The following TOX variants were observed in gnomAD, a reference collection of about 807,000 sequenced individuals.
The protein encoded by TOX is thymocyte selection associated high mobility group box.
A neutral mutation model predicts 53.7 loss-of-function variants in TOX; 11 were observed. The ratio of observed to expected loss-of-function variants is 0.20; its 90% CI spans 0.13 to 0.34. The LOEUF (loss-of-function observed/expected upper bound fraction) is 0.34. Among genes scored for constraint, TOX ranks in the 10% least tolerant of loss-of-function variants. The probability of loss-of-function intolerance (pLI) is 1.00; values close to 1 mark genes in which losing one functional copy is unlikely to be tolerated. For synonymous variants in TOX, 225 were observed against 245.3 expected, an observed-to-expected ratio of 0.92 and a Z score of 0.77; for missense variants, 570 against 664.6, an observed-to-expected ratio of 0.86 and a Z score of 1.56.
chr8:58,908,971 A>C (rs1811865922), intron 3 of TOX, among the ~76,000 whole-genome samples: 1 of 152,218 alleles, frequency 6.6e-6, no homozygotes, highest in African/African-American at 2.4e-5. Context: ...AGAGTTTCTC[A>C]TTAATGGGAT....
intron 6 of TOX, among the ~76,000 whole-genome samples, chr8:58,819,703 C>A (rs932011973): frequency 6.6e-6 from 1 of 152,082 alleles, no homozygotes; most frequent in Non-Finnish European, 1.5e-5. Flanking sequence ...ATAAATTTCC[C>A]CATTCTGGGA....
In TOX at chr8:58,939,526, G is replaced by A. The variant is rs752479997; in HGVS notation, c.187C>T (p.Leu63=). 1 of 1,613,984 alleles carries A rather than the reference G, an allele frequency of 6.2e-7. No individual in the cohort carries two copies. The highest frequency in any genetic ancestry group is 8.5e-7 in the Non-Finnish European group (1 of 1,179,930). The part of the protein sequence containing the change: ...PASQSYPGPS[L]ESEDFNIPPI... ...GGAATGTTGAAGTCTTCACTTTCCA[G>A]GCTTGGACCAGGGTAGGACTGTGAA... The change falls in exon 3 of 9, where the codon CTG becomes TTG. Residue 63 remains leucine (L), a synonymous_variant. Transcript: ENST00000361421.
chr8:58,963,858 G>A lies in TOX; in HGVS notation c.103-3850C>T, dbSNP rs1812843490. 2.0e-5 allele frequency among the ~76,000 whole-genome samples: 3 copies of A among 152,304 alleles called. No individual in the cohort carries two copies. In the South Asian group the frequency reaches 6.2e-4, roughly 32 times the overall value. ...TTTAGTGCCTCTATGGCTTAGGGCT[G>A]GCACGTAATAGGTCTTCGGAAATGT... On this transcript the variant is annotated intron_variant, in intron 1 of 8. Transcript: ENST00000361421.
At chr8:58,954,168 G>A (rs950815427) in intron 2 of TOX, among the ~76,000 whole-genome samples, 4 of 152,038 alleles carry the variant, frequency 2.6e-5, no homozygotes, top group Admixed American at 6.6e-5. Flanking sequence ...TTAACTCTTT[G>A]AGTCTTGTAC....
At chr8:58,997,146 C>T (rs1813574783) in intron 1 of TOX, among the ~76,000 whole-genome samples, 1 of 152,222 alleles carries the variant, frequency 6.6e-6, no homozygotes, top group Non-Finnish European at 1.5e-5. Context: ...CTAAGGGAGA[C>T]ACTGCCTTTT....
intron 7 of TOX, among the ~76,000 whole-genome samples, chr8:58,813,092 A>C (rs1298079142): frequency 1.3e-5 from 2 of 152,220 alleles, no homozygotes; most frequent in Admixed American, 1.3e-4. Flanking sequence ...ACACTAACAG[A>C]ACTGACTTAA....
At chr8:59,023,995 T>C (rs1814189305) in intron 1 of TOX, among the ~76,000 whole-genome samples, 1 of 152,142 alleles carries the variant, frequency 6.6e-6, no homozygotes, top group African/African-American at 2.4e-5. Flanking sequence ...ATCAAGAGCA[T>C]ACTTAAGCTC....
chr8:58,808,728 T>G (rs188247879), intron 7 of TOX, among the ~76,000 whole-genome samples: 28 of 152,364 alleles, frequency 1.8e-4, no homozygotes, highest in Admixed American at 1.8e-3. Flanking sequence ...ATTCACATAT[T>G]GTTCTCAAAC....
intron 5 of TOX, among the ~76,000 whole-genome samples, chr8:58,831,194 G>C (rs1810447763): frequency 6.6e-6 from 1 of 152,038 alleles, no homozygotes; most frequent in Non-Finnish European, 1.5e-5. Flanking sequence ...TTTCTGGAAT[G>C]GTAAGAATCC....
At chr8:58,976,144 A>G (rs898372891) in intron 1 of TOX, among the ~76,000 whole-genome samples, 3 of 152,148 alleles carry the variant, frequency 2.0e-5, no homozygotes, top group Non-Finnish European at 4.4e-5. Context: ...GCAGCATGTG[A>G]TGCTGTTTGA....
intron 3 of TOX, among the ~76,000 whole-genome samples, chr8:58,868,612 T>A (rs1811142325): frequency 6.6e-6 from 1 of 152,030 alleles, no homozygotes; most frequent in African/African-American, 2.4e-5. Context: ...TTTCTCAACA[T>A]ATGAATAACT....
chr8:59,118,850 G>T lies in TOX; in HGVS notation c.102+36C>A. ...GCCGCTCCCCTCCCAGGATCAAGCA[G>T]CAAGAACACGGTGGAAACAAAAGCA... On this transcript the variant is annotated intron_variant, in intron 1 of 8. Transcript: ENST00000361421. The surrounding 1 kb of genome is among the most constrained non-coding windows in gnomAD (Gnocchi z 4.1). 2 of 1,517,538 alleles carry T rather than the reference G, an allele frequency of 1.3e-6. No homozygotes were observed. The highest frequency in any genetic ancestry group is 1.8e-6 in the Non-Finnish European group (2 of 1,116,042). The allele number at this position is 1,517,538 out of a possible 1,614,324, so 94.0% of individuals were successfully genotyped here. A position where few individuals can be genotyped will look rare whatever the true frequency, so the allele number is the denominator to read the frequency against.
intron 7 of TOX, among the ~76,000 whole-genome samples, chr8:58,812,874 T>TAACAGTGAA (rs1810106415): frequency 6.6e-6 from 1 of 152,244 alleles, no homozygotes; most frequent in South Asian, 2.1e-4. Context: ...TAAATCCTTC[T>TAACAGTGAA]AACAGTGAAA....
At chr8:59,105,515 C>T (rs1351569452) in intron 1 of TOX, among the ~76,000 whole-genome samples, 3 of 152,072 alleles carry the variant, frequency 2.0e-5, no homozygotes, top group Admixed American at 6.5e-5. Flanking sequence ...AAAGGTACAG[C>T]AGTGCCTTCA....
chr8:58,826,022 G>A (rs1340499526), intron 6 of TOX, among the ~76,000 whole-genome samples: 2 of 152,096 alleles, frequency 1.3e-5, no homozygotes, highest in Non-Finnish European at 2.9e-5. Context: ...TTTCTTCTCT[G>A]CATCAGTATA....
intron 3 of TOX, among the ~76,000 whole-genome samples, chr8:58,926,588 C>T (rs183776793): frequency 2.0e-4 from 31 of 152,320 alleles, no homozygotes; most frequent in African/African-American, 7.0e-4. Context: ...GAGAGGTAAA[C>T]ATTTCTAGCT....
chr8:58,870,730 C>T (rs1006265156), intron 3 of TOX, among the ~76,000 whole-genome samples: 1 of 151,900 alleles, frequency 6.6e-6, no homozygotes, highest in Non-Finnish European at 1.5e-5. Flanking sequence ...TAGATCCACA[C>T]AAATATAGTC....
intron 3 of TOX, among the ~76,000 whole-genome samples, chr8:58,930,717 A>G (rs1812242366): frequency 1.3e-5 from 2 of 152,140 alleles, no homozygotes; most frequent in Non-Finnish European, 2.9e-5. Flanking sequence ...CAGGTATATA[A>G]CTGCTATCCA....
Position 58,926,310 on chromosome 8 carries a change from C to T in TOX, c.411+12992G>A, listed in dbSNP as rs1812158996. ...CTGTGGACCAGTCTTCTGGTCCTCA[C>T]TCTGGGGTTTATCAAGAAGGCCCTG... On this transcript the variant is annotated intron_variant, in intron 3 of 8. Coordinates refer to ENST00000361421, the MANE Select transcript of TOX (RefSeq NM_014729.3). Among the ~76,000 whole-genome samples the T allele has an allele frequency of 3.9e-5, 6 of 152,152 alleles. No individual in the cohort carries two copies. The South Asian group carries it at 1.2e-3, about 32-fold the overall frequency.
Sources: gnomAD v4.1 joint callset for allele counts (sites outside exome capture counted in the v4.1 genomes callset) on GRCh38, gnomAD v4.1.1 for gene constraint, Gnocchi (gnomAD v3.1) non-coding constraint, MANE v1.5 for transcripts, NCBI Gene and HGNC (gene_info 2026-07-23, HGNC 2026-07-21) for gene names.